The following CNTNAP2 variants were observed in gnomAD, a reference collection of about 807,000 sequenced individuals.
The protein encoded by CNTNAP2 is contactin associated protein 2, also known as contactin-associated protein-like 2.
A neutral mutation model predicts 155.2 loss-of-function variants in CNTNAP2; 98 were observed. The ratio of observed to expected loss-of-function variants is 0.63; its 90% CI spans 0.54 to 0.75. The LOEUF (loss-of-function observed/expected upper bound fraction) is 0.75. CNTNAP2 is among the 30% of genes least tolerant of loss of function. CNTNAP2 has a pLI of 0.00. For synonymous variants in CNTNAP2, 651 were observed against 631.2 expected, an observed-to-expected ratio of 1.03 and a Z score of -0.47; for missense variants, 1,727 against 1,688.1, an observed-to-expected ratio of 1.02 and a Z score of -0.40.
At chr7:147,089,598 A>AATAAGTCTTTGTT (rs1296904080) in intron 4 of CNTNAP2, among the ~76,000 whole-genome samples, 8 of 152,320 alleles carry the variant, frequency 5.3e-5, no homozygotes, top group African/African-American at 1.9e-4. Context: ...AAAAATTGGA[A>AATAAGTCTTTGTT]ATAAGTCTTT....
rs55983110 is a variant in CNTNAP2, at chr7:147,421,585, C to CTGTGTGTGTGTGTGTGTGTGTGTGTGTG, written c.1670+25807_1670+25834dup. 1.6e-3 allele frequency among the ~76,000 whole-genome samples: 223 copies of CTGTGTGTGTGTGTGTGTGTGTGTGTGTG among 143,594 alleles called. 3 individuals carry two copies. The highest frequency in any genetic ancestry group is 5.4e-3 in the African/African-American group (205 of 38,220). 94.2% of individuals were successfully genotyped at this position (143,594 alleles called of 152,430 possible). On this transcript the variant is annotated intron_variant, in intron 10 of 23. Coordinates refer to ENST00000361727, the MANE Select transcript of CNTNAP2 (RefSeq NM_014141.6). The stretch of plus-strand genomic sequence containing the variant: ...ATATGTCCTGGTATGTCTATCTAAT[C>CTGTGTGTGTGTGTGTGTGTGTGTGTGTG]TGTGTGTGTGTGTGTGTGTGTGTGT...
At chr7:148,033,130 G>A (rs1802511028) in intron 15 of CNTNAP2, among the ~76,000 whole-genome samples, 1 of 152,070 alleles carries the variant, frequency 6.6e-6, no homozygotes, top group African/African-American at 2.4e-5. Flanking sequence ...TACTGCCACT[G>A]AGCAGATTTT....
chr7:147,969,153 A>G (rs1188107436), intron 14 of CNTNAP2, among the ~76,000 whole-genome samples: 1 of 152,076 alleles, frequency 6.6e-6, no homozygotes, highest in Non-Finnish European at 1.5e-5. Flanking sequence ...AGGCTCAAGC[A>G]ATCCTCCCAC....
In CNTNAP2 at chr7:147,626,956, C is replaced by T. The variant is rs546969927; in HGVS notation, c.1898-12150C>T. Among the ~76,000 whole-genome samples, 278 of 152,306 alleles carry T rather than the reference C, an allele frequency of 1.8e-3. 1 individual carries two copies. Among genetic ancestry groups the T allele is most frequent in the African/African-American group, 6.4e-3 (266 of 41,564 alleles). On this transcript the variant is annotated intron_variant, in intron 12 of 23. Coordinates refer to ENST00000361727, the MANE Select transcript of CNTNAP2 (RefSeq NM_014141.6). ...CCTCTACCAGAGCAGGTGCTGGTATCCATGATTGAGAGACCTGAAGATGGA... is the reference window on the plus strand; with the variant it reads ...CCTCTACCAGAGCAGGTGCTGGTATTCATGATTGAGAGACCTGAAGATGGA...
chr7:148,146,174 A>G (rs1178283059), intron 16 of CNTNAP2, among the ~76,000 whole-genome samples: 1 of 152,156 alleles, frequency 6.6e-6, no homozygotes, highest in African/African-American at 2.4e-5. Flanking sequence ...GGAAAAAAAA[A>G]TGACAGATAT....
intron 20 of CNTNAP2, among the ~76,000 whole-genome samples, chr7:148,253,055 T>TAGACAGATGATA (rs57134961): frequency 2.2e-5 from 3 of 138,692 alleles, no homozygotes; most frequent in Non-Finnish European, 4.7e-5. Flanking sequence ...GATAGACAGA[T>TAGACAGATGATA]GATAGATAGA....
intron 13 of CNTNAP2, among the ~76,000 whole-genome samples, chr7:147,663,412 C>T (rs1346622579): frequency 1.3e-5 from 2 of 152,182 alleles, no homozygotes; most frequent in Non-Finnish European, 2.9e-5. Context: ...CTGTGAAGAG[C>T]GTGATGTAAT....
intron 2 of CNTNAP2, among the ~76,000 whole-genome samples, chr7:146,816,933 G>A (rs1366883934): frequency 6.6e-6 from 1 of 152,122 alleles, no homozygotes; most frequent in Non-Finnish European, 1.5e-5. Flanking sequence ...TAGATAATAA[G>A]TTCCCAATAA....
At chr7:148,406,010 A>T (rs904705691) in intron 22 of CNTNAP2, among the ~76,000 whole-genome samples, 1 of 152,132 alleles carries the variant, frequency 6.6e-6, no homozygotes, top group African/African-American at 2.4e-5. Context: ...AGACCGGCAG[A>T]TCACGAGGTC....
intron 3 of CNTNAP2, among the ~76,000 whole-genome samples, chr7:146,925,371 T>C (rs1214296225): frequency 1.3e-5 from 2 of 152,046 alleles, no homozygotes; most frequent in Admixed American, 6.6e-5. Context: ...GACATTATTA[T>C]TAAGAAGAGC....
intron 1 of CNTNAP2, among the ~76,000 whole-genome samples, chr7:146,598,311 C>T (rs1350347656): frequency 1.3e-5 from 2 of 151,964 alleles, no homozygotes; most frequent in Non-Finnish European, 2.9e-5. Flanking sequence ...TGTTATTTTT[C>T]CTTTCAAATA....
chr7:148,121,439 C>T (rs1205798402), intron 16 of CNTNAP2, among the ~76,000 whole-genome samples: 2 of 152,182 alleles, frequency 1.3e-5, no homozygotes, highest in Non-Finnish European at 2.9e-5. Context: ...ACTCTGCAAA[C>T]CTAATTGTTT....
intron 9 of CNTNAP2, among the ~76,000 whole-genome samples, chr7:147,340,148 G>A (rs1795736123): frequency 6.6e-6 from 1 of 151,698 alleles, no homozygotes; most frequent in African/African-American, 2.4e-5. Context: ...TTAACCTGAA[G>A]GTACAGAAAA....
chr7:146,826,858 AG>A lies in CNTNAP2; in HGVS notation c.209-12852del, dbSNP rs1411505868. Among the ~76,000 whole-genome samples the A allele has an allele frequency of 4.7e-4, 56 of 120,404 alleles. 2 individuals are homozygous for A. The highest frequency in any genetic ancestry group is 2.1e-3 in the South Asian group (9 of 4,340). 79.0% of individuals were successfully genotyped at this position (120,404 alleles called of 152,430 possible). ...TATGTATATATATATATATATATATAGAGAGAGAGAGAGAGAGAGAGACTTG... is the reference window on the plus strand; with the variant it reads ...TATGTATATATATATATATATATATAAGAGAGAGAGAGAGAGAGAGACTTG... On this transcript the variant is annotated intron_variant, in intron 2 of 23. Coordinates refer to ENST00000361727, the MANE Select transcript of CNTNAP2 (RefSeq NM_014141.6).
In CNTNAP2 at chr7:147,721,206, G is replaced by A. The variant is rs965765391; in HGVS notation, c.2098+81900G>A. ...TGGTTTCTATGTTGTTGTTGTTGTT[G>A]TTATTGTTTGGGGTTTGGGCTTGGG... On this transcript the variant is annotated intron_variant, in intron 13 of 23. Coordinates refer to ENST00000361727, the MANE Select transcript of CNTNAP2 (RefSeq NM_014141.6). Among the ~76,000 whole-genome samples, 6 of 151,642 alleles carry A rather than the reference G, an allele frequency of 4.0e-5. No individual in the cohort carries two copies. The East Asian group carries it at 5.8e-4, about 15-fold the overall frequency.
chr7:147,248,832 T>C (rs1031684768), intron 8 of CNTNAP2, among the ~76,000 whole-genome samples: 1 of 152,230 alleles, frequency 6.6e-6, no homozygotes, highest in Non-Finnish European at 1.5e-5. Flanking sequence ...TTTACATGGT[T>C]TTGAAAACAG....
intron 13 of CNTNAP2, among the ~76,000 whole-genome samples, chr7:147,745,827 T>C (rs1434959422): frequency 6.6e-6 from 1 of 152,246 alleles, no homozygotes; most frequent in African/African-American, 2.4e-5. Context: ...ATCATTCTTT[T>C]CTACTAAACT....
intron 3 of CNTNAP2, among the ~76,000 whole-genome samples, chr7:146,927,587 C>T (rs1796632815): frequency 6.6e-6 from 1 of 151,976 alleles, no homozygotes; most frequent in Non-Finnish European, 1.5e-5. Context: ...TAAAGATATA[C>T]AATATTACTC....
At chr7:148,037,619 G>C (rs1206918492) in intron 15 of CNTNAP2, among the ~76,000 whole-genome samples, 2 of 152,080 alleles carry the variant, frequency 1.3e-5, no homozygotes, top group Non-Finnish European at 2.9e-5. Context: ...TCAGTTACCT[G>C]TGGCCAACCA....
Sources: allele counts gnomAD v4.1 joint callset (sites outside exome capture counted in the v4.1 genomes callset), GRCh38; gene constraint gnomAD v4.1.1; transcripts MANE v1.5; gene names NCBI Gene and HGNC (gene_info 2026-07-23, HGNC 2026-07-21).